Variants in CHRM4 observed in about 807,000 individuals in gnomAD.
The protein encoded by CHRM4 is muscarinic acetylcholine receptor M4.
CHRM4 carries 5 observed loss-of-function variants against 26.3 expected under a neutral mutation model. That is an observed-to-expected ratio of 0.19 (90% CI 0.10 to 0.40). The LOEUF (loss-of-function observed/expected upper bound fraction) is 0.40. Among genes scored for constraint, CHRM4 ranks in the 10% least tolerant of loss-of-function variants. CHRM4 has a pLI of 1.00. For missense variants in CHRM4, 402 were observed against 664.5 expected (o/e 0.60, Z 4.34); for synonymous variants, 290 against 285.3 (o/e 1.02, Z -0.16).
chr11:46,384,021 T>G lies in CHRM4; in HGVS notation c.*1097A>C, dbSNP rs1945302060. 6.6e-6 allele frequency among the ~76,000 whole-genome samples: 1 copy of G among 152,188 alleles called. No individual in the cohort carries two copies. The highest frequency in any genetic ancestry group is 1.5e-5 in the Non-Finnish European group (1 of 68,018). ...AAAGGGTGCTCCCCATCAAGTCACCTAAGCCTTTCGGTCCTCATCTCCCTC... is the reference window on the plus strand; with the variant it reads ...AAAGGGTGCTCCCCATCAAGTCACCGAAGCCTTTCGGTCCTCATCTCCCTC... On this transcript the variant is annotated 3_prime_UTR_variant, in exon 2 of 2. Transcript: ENST00000682254.
Position 46,385,059 on chromosome 11 carries a change from G to T in CHRM4, c.*59C>A. 1.3e-6 allele frequency: 2 copies of T among 1,499,138 alleles called. No homozygotes were observed. The highest frequency in any genetic ancestry group is 1.4e-5 in the African/African-American group (1 of 72,474). 92.9% of individuals were successfully genotyped at this position (1,499,138 alleles called of 1,614,324 possible). A position where few individuals can be genotyped will look rare whatever the true frequency, so the allele number is the denominator to read the frequency against. ...AACTCTTCCCCACAGCAAGTGAGCC[G>T]TGTGGTCCCCCCAGCACACGCACGC... On this transcript the variant is annotated 3_prime_UTR_variant, in exon 2 of 2. Coordinates refer to ENST00000682254, the MANE Select transcript of CHRM4 (RefSeq NM_000741.5). The surrounding 1 kb of genome is among the most constrained non-coding windows in gnomAD (Gnocchi z 6.3).
At chr11:46,389,756 G>A (rs1337899203) in intron 1 of CHRM4, among the ~76,000 whole-genome samples, 1 of 152,248 alleles carries the variant, frequency 6.6e-6, no homozygotes, top group Non-Finnish European at 1.5e-5. Flanking sequence ...TCGGCTCCGC[G>A]CGGGGTTCTC....
chr11:46,385,906 T>C lies in CHRM4; in HGVS notation c.652A>G (p.Ile218Val). 2.5e-6 allele frequency: 4 copies of C among 1,611,682 alleles called. No individual in the cohort carries two copies. The highest frequency in any genetic ancestry group is 3.4e-6 in the Non-Finnish European group (4 of 1,179,346). Residue 218 changes from isoleucine to valine, a missense_variant, in exon 2 of 2, where the codon ATC becomes GTC. Physicochemically the swap from Ile to Val is conservative, Grantham distance 29. Coordinates refer to ENST00000682254, the MANE Select transcript of CHRM4 (RefSeq NM_000741.5). This position sits in a 1 kb window ranked among gnomAD's most constrained non-coding sequence, Gnocchi z 6.3. ...VVIMTVLYIH[I>V]SLASRSRVHK... ...ACTCGGCTGCGACTGGCCAGGGAGA[T>C]GTGGATGTACAGCACCGTCATGATG...
Position 46,386,849 on chromosome 11 carries a change from C to T in CHRM4, c.-29-263G>A, listed in dbSNP as rs1945346357. 6.6e-6 allele frequency among the ~76,000 whole-genome samples: 1 copy of T among 152,196 alleles called. No individual in the cohort carries two copies. The highest frequency in any genetic ancestry group is 2.4e-5 in the African/African-American group (1 of 41,524). On this transcript the variant is annotated intron_variant, in intron 1 of 1. Transcript: ENST00000682254. The surrounding 1 kb of genome is among the most constrained non-coding windows in gnomAD (Gnocchi z 5.8). ...CCTCATGGGGGGAGACATGCAAACA[C>T]GTGAGCCACAAAAGAAAAAAAAGGC...
Position 46,385,382 on chromosome 11 carries a change from C to G in CHRM4, c.1176G>C (p.Ala392=). 6.2e-7 allele frequency: 1 copy of G among 1,609,610 alleles called. No homozygotes were observed. Among genetic ancestry groups the G allele is most frequent in the Non-Finnish European group, 8.5e-7 (1 of 1,176,362 alleles). Residue 392 remains alanine (A), a synonymous_variant, in exon 2 of 2, where the codon GCG becomes GCC. Coordinates refer to ENST00000682254, the MANE Select transcript of CHRM4 (RefSeq NM_000741.5). The surrounding 1 kb of genome is among the most constrained non-coding windows in gnomAD (Gnocchi z 6.3). Reference sequence around the variant, plus strand: ...TTCGTGTCACTTTGCGCTCCCGGGCCGCCATCTGCCGCTTCTTGCGCACCT... The same window carrying G: ...TTCGTGTCACTTTGCGCTCCCGGGCGGCCATCTGCCGCTTCTTGCGCACCT... ...RNQVRKKRQM[A]ARERKVTRTI...
rs1945346170 is a variant in CHRM4 at position 46,386,830 on chromosome 11, G to T, written c.-29-244C>A. Reference sequence around the variant, plus strand: ...AGACACACATGGCCCCCTGCCTCATGGGGGGAGACATGCAAACACGTGAGC... The same window carrying T: ...AGACACACATGGCCCCCTGCCTCATTGGGGGAGACATGCAAACACGTGAGC... On this transcript the variant is annotated intron_variant, in intron 1 of 1. Coordinates refer to ENST00000682254, the MANE Select transcript of CHRM4 (RefSeq NM_000741.5). The surrounding 1 kb of genome is among the most constrained non-coding windows in gnomAD (Gnocchi z 5.8). Among the ~76,000 whole-genome samples, 1 of 152,188 alleles carries T rather than the reference G, an allele frequency of 6.6e-6. No homozygotes were observed. The highest frequency in any genetic ancestry group is 2.1e-4 in the South Asian group (1 of 4,830).
Position 46,386,505 on chromosome 11 carries a change from A to C in CHRM4, c.53T>G (p.Leu18Arg). The change falls in exon 2 of 2, where the codon CTG (leucine) becomes CGG (arginine). Residue 18 changes from leucine to arginine, a missense_variant. Leu to Arg is a moderately radical substitution (Grantham distance 102). Coordinates refer to ENST00000682254, the MANE Select transcript of CHRM4 (RefSeq NM_000741.5). This position sits in a 1 kb window ranked among gnomAD's most constrained non-coding sequence, Gnocchi z 5.8. ...GCGATTGTGGGATGATGACGTGACC[A>C]GGCGCACGGACTGATTGCCCGAGCT... ...NGSSGNQSVR[L>R]VTSSSHNRYE... 1 of 1,613,520 alleles carries C rather than the reference A, an allele frequency of 6.2e-7. No homozygotes were observed. The highest frequency in any genetic ancestry group is 8.5e-7 in the Non-Finnish European group (1 of 1,179,848).
At position 46,384,175 on chromosome 11, in the gene CHRM4, A is replaced by G. The variant is rs1945305603; in HGVS notation, c.*943T>C. ...CAGGAAGGTTCTACCCATGGGGGAG[A>G]GCAGATGCGAGGGCTGCGTGCCTAC... On this transcript the variant is annotated 3_prime_UTR_variant, in exon 2 of 2. Transcript: ENST00000682254. Among the ~76,000 whole-genome samples, 1 of 152,120 alleles carries G rather than the reference A, an allele frequency of 6.6e-6. No individual in the cohort carries two copies. Among genetic ancestry groups the G allele is most frequent in the Non-Finnish European group, 1.5e-5 (1 of 68,016 alleles).
rs1945393997 is a variant in CHRM4 at position 46,391,610 on chromosome 11, G to A, written c.-109C>T. On this transcript the variant is annotated 5_prime_UTR_variant, in exon 1 of 2. Coordinates refer to ENST00000682254, the MANE Select transcript of CHRM4 (RefSeq NM_000741.5). The surrounding 1 kb of genome is among the most constrained non-coding windows in gnomAD (Gnocchi z 6.3). ...CCCCCCGCCCCCGCGCCGCCGCGGA[G>A]CCACTTACCCGCCGCCTCTGCCCAG... 6.6e-6 allele frequency among the ~76,000 whole-genome samples: 1 copy of A among 151,564 alleles called. No homozygotes were observed.
intron 1 of CHRM4, among the ~76,000 whole-genome samples, chr11:46,389,787 C>A (rs754953384): frequency 7.2e-5 from 11 of 152,238 alleles, no homozygotes; most frequent in Non-Finnish European, 1.6e-4. Context: ...GTTGAGGGAG[C>A]CCGGATTCCA....
At position 46,385,728 on chromosome 11, in the gene CHRM4, G is replaced by A. The variant is rs201805055; in HGVS notation, c.830C>T (p.Pro277Leu). The A allele has an allele frequency of 1.0e-5, 16 of 1,576,228 alleles. No individual in the cohort carries two copies. The highest frequency in any genetic ancestry group is 1.7e-4 in the Middle Eastern group (1 of 5,906). ...GCGCGGTGGCGGTGGCAGCGCTGGCGGGGGGGCCTCCTCCAGCTTGCCATT... is the reference window on the plus strand; with the variant it reads ...GCGCGGTGGCGGTGGCAGCGCTGGCAGGGGGGCCTCCTCCAGCTTGCCATT... ...LRNGKLEEAP[P>L]PALPPPPRPV... The change falls in exon 2 of 2, where the codon CCG becomes CTG. Residue 277 changes from proline to leucine, a missense_variant. By Grantham distance (98) the Pro-to-Leu change is moderately conservative. Transcript: ENST00000682254. The surrounding 1 kb of genome is among the most constrained non-coding windows in gnomAD (Gnocchi z 6.3).
At position 46,391,726 on chromosome 11, in the gene CHRM4, G is replaced by T. The variant is rs1463010691; in HGVS notation, c.-225C>A. On this transcript the variant is annotated 5_prime_UTR_variant, in exon 1 of 2. Coordinates refer to ENST00000682254, the MANE Select transcript of CHRM4 (RefSeq NM_000741.5). The surrounding 1 kb of genome is among the most constrained non-coding windows in gnomAD (Gnocchi z 6.3). ...CGGGCCGAGGGCCGGGGGCGGGGACGGGGTGTCGAGGGGCGGCCCCTGCTC... is the reference window on the plus strand; with the variant it reads ...CGGGCCGAGGGCCGGGGGCGGGGACTGGGTGTCGAGGGGCGGCCCCTGCTC... Among the ~76,000 whole-genome samples, 4 of 149,210 alleles carry T rather than the reference G, an allele frequency of 2.7e-5. No individual in the cohort carries two copies. The highest frequency in any genetic ancestry group is 9.7e-5 in the African/African-American group (4 of 41,078).
rs948418528 is a variant in CHRM4 at position 46,391,238 on chromosome 11, C to G, written c.-30+293G>C. Among the ~76,000 whole-genome samples the G allele has an allele frequency of 6.6e-6, 1 of 151,958 alleles. No individual in the cohort carries two copies. Among genetic ancestry groups the G allele is most frequent in the African/African-American group, 2.4e-5 (1 of 41,376 alleles). On this transcript the variant is annotated intron_variant, in intron 1 of 1. Coordinates refer to ENST00000682254, the MANE Select transcript of CHRM4 (RefSeq NM_000741.5). This position sits in a 1 kb window ranked among gnomAD's most constrained non-coding sequence, Gnocchi z 6.3. ...GCGGGGAGACGGCGGGAAAAGGGCTCTTTGGGGCTTCAGCGCCCGGCGCCC... is the reference window on the plus strand; with the variant it reads ...GCGGGGAGACGGCGGGAAAAGGGCTGTTTGGGGCTTCAGCGCCCGGCGCCC...
In CHRM4 at chr11:46,385,434, C is replaced by T. The variant is rs781689933; in HGVS notation, c.1124G>A (p.Arg375His). The T allele has an allele frequency of 3.7e-6, 6 of 1,607,930 alleles. No individual in the cohort carries two copies. The highest frequency in any genetic ancestry group is 2.6e-6 in the Non-Finnish European group (3 of 1,175,130). Residue 375 changes from arginine (R) to histidine (H), a missense_variant, in exon 2 of 2, where the codon CGC becomes CAC. Around this residue, in one of 5 missense-constraint regions of CHRM4, gnomAD observed 205 missense variants for 244.0 expected, o/e 0.84. Transcript: ENST00000682254. The surrounding 1 kb of genome is among the most constrained non-coding windows in gnomAD (Gnocchi z 6.3). ...GTTGCGAGCGATGCTGGCGAACTTG[C>T]GGGCCACGTTGGCCGCAGGGCGCAT... ...AGMRPAANVA[R>H]KFASIARNQV...
rs1446886323 is a variant in CHRM4 at position 46,386,366 on chromosome 11, C to T, written c.192G>A (p.Gln64=). Residue 64 remains glutamine (Q), a synonymous_variant, in exon 2 of 2, where the codon CAG becomes CAA. Transcript: ENST00000682254. This position sits in a 1 kb window ranked among gnomAD's most constrained non-coding sequence, Gnocchi z 5.8. ...MLSIKVNRQL[Q]TVNNYFLFSL... Reference sequence around the variant, plus strand: ...TGAAGAGGAAGTAGTTGTTGACTGTCTGCAGCTGCCTGTTGACCTTGATGG... The same window carrying T: ...TGAAGAGGAAGTAGTTGTTGACTGTTTGCAGCTGCCTGTTGACCTTGATGG... 6.2e-7 allele frequency: 1 copy of T among 1,614,040 alleles called. No individual in the cohort carries two copies. The highest frequency in any genetic ancestry group is 1.7e-5 in the Admixed American group (1 of 60,008).
At chr11:46,388,160 G>A (rs1332787102) in intron 1 of CHRM4, among the ~76,000 whole-genome samples, 8 of 152,156 alleles carry the variant, frequency 5.3e-5, no homozygotes, top group Non-Finnish European at 1.2e-4. Context: ...ACAGACGCAC[G>A]CGGGCCCATC....
At chr11:46,388,378 C>G (rs892768071) in intron 1 of CHRM4, among the ~76,000 whole-genome samples, 3 of 152,246 alleles carry the variant, frequency 2.0e-5, no homozygotes, top group Non-Finnish European at 4.4e-5. Context: ...CTGGGACATC[C>G]TCCCCAGCAG....
intron 1 of CHRM4, among the ~76,000 whole-genome samples, chr11:46,390,064 A>G (rs1207450196): frequency 6.6e-6 from 1 of 152,138 alleles, no homozygotes; most frequent in Non-Finnish European, 1.5e-5. Context: ...GTGGACTTGC[A>G]TGCACAAGCA....
At chr11:46,389,649 G>T (rs1397333531) in intron 1 of CHRM4, among the ~76,000 whole-genome samples, 1 of 152,216 alleles carries the variant, frequency 6.6e-6, no homozygotes, top group Non-Finnish European at 1.5e-5. Flanking sequence ...ACTCCAATGC[G>T]ACTGCGAACC....
Sources: gnomAD v4.1 joint callset for allele counts (sites outside exome capture counted in the v4.1 genomes callset) on GRCh38, gnomAD v4.1.1 for gene constraint, gnomAD v4.1.1 regional missense constraint, Gnocchi (gnomAD v3.1) non-coding constraint, MANE v1.5 for transcripts, NCBI Gene and HGNC (gene_info 2026-07-23, HGNC 2026-07-21) for gene names.